The following NRG3 variants were observed in gnomAD, a reference collection of about 807,000 sequenced individuals.
NRG3 encodes the protein pro-neuregulin-3, membrane-bound isoform.
NRG3 carries 31 observed loss-of-function variants against 66.9 expected under a neutral mutation model. The observed-to-expected ratio is 0.46, with a 90% CI of 0.35 to 0.63. NRG3 has a LOEUF of 0.63. Ranked by LOEUF, NRG3 falls within the 20% of genes least tolerant of loss-of-function variation. NRG3 has a pLI of 0.00. For missense variants in NRG3, 910 were observed against 878.9 expected (o/e 1.04, Z -0.45); for synonymous variants, 393 against 359.4 (o/e 1.09, Z -1.06).
intron 3 of NRG3, among the ~76,000 whole-genome samples, chr10:82,802,471 T>TA (rs1425332925): frequency 6.6e-6 from 1 of 152,158 alleles, no homozygotes; most frequent in African/African-American, 2.4e-5. Context: ...ACTGAGAAAC[T>TA]AAAAATTACA....
intron 1 of NRG3, among the ~76,000 whole-genome samples, chr10:82,057,884 C>G (rs909540572): frequency 1.3e-5 from 2 of 152,086 alleles, no homozygotes; most frequent in Admixed American, 6.6e-5. Context: ...AACTCAGACT[C>G]CGGGCCACCA....
At chr10:82,134,209 T>A (rs868718464) in intron 1 of NRG3, among the ~76,000 whole-genome samples, 1 of 152,170 alleles carries the variant, frequency 6.6e-6, no homozygotes, top group South Asian at 2.1e-4. Flanking sequence ...ATTCTGTAAG[T>A]TGTCTTGTTT....
intron 1 of NRG3, among the ~76,000 whole-genome samples, chr10:82,243,458 G>A (rs565796948): frequency 1.3e-5 from 2 of 152,070 alleles, no homozygotes; most frequent in South Asian, 4.1e-4. Flanking sequence ...AAGACAAGCT[G>A]AAGGCACATA....
intron 2 of NRG3, among the ~76,000 whole-genome samples, chr10:82,387,712 A>G (rs1361994835): frequency 1.3e-5 from 2 of 152,218 alleles, no homozygotes; most frequent in Non-Finnish European, 2.9e-5. Context: ...TTCCATGGCT[A>G]TGAACTCACC....
chr10:81,952,284 C>A (rs1191046166), intron 1 of NRG3, among the ~76,000 whole-genome samples: 1 of 152,076 alleles, frequency 6.6e-6, no homozygotes, highest in Non-Finnish European at 1.5e-5. Context: ...TAGTCCGGTC[C>A]ACTAAAACAA....
At chr10:82,201,466 G>T (rs964477794) in intron 1 of NRG3, among the ~76,000 whole-genome samples, 1 of 152,032 alleles carries the variant, frequency 6.6e-6, no homozygotes, top group Non-Finnish European at 1.5e-5. Flanking sequence ...TCAACTCTTC[G>T]TCTTCTCAGT....
intron 2 of NRG3, among the ~76,000 whole-genome samples, chr10:82,518,387 G>C (rs565431214): frequency 1.2e-3 from 178 of 152,232 alleles, no homozygotes; most frequent in African/African-American, 4.1e-3. Context: ...GGCTATGTAA[G>C]TTACCAAAGG....
chr10:82,486,729 A>C (rs1342880744), intron 2 of NRG3, among the ~76,000 whole-genome samples: 1 of 152,186 alleles, frequency 6.6e-6, no homozygotes, highest in Non-Finnish European at 1.5e-5. Flanking sequence ...ATACCATGAG[A>C]TATCATTCAG....
At chr10:81,909,903 A>C (rs1844959980) in intron 1 of NRG3, among the ~76,000 whole-genome samples, 1 of 152,182 alleles carries the variant, frequency 6.6e-6, no homozygotes, top group African/African-American at 2.4e-5. Flanking sequence ...CTTATTTCTT[A>C]TAAGAAATTT....
chr10:82,496,753 A>T (rs1422522985), intron 2 of NRG3, among the ~76,000 whole-genome samples: 2 of 152,198 alleles, frequency 1.3e-5, no homozygotes, highest in Admixed American at 1.3e-4. Flanking sequence ...AATTTTCTTC[A>T]TTAAACATAC....
chr10:82,474,219 T>C (rs567461099), intron 2 of NRG3, among the ~76,000 whole-genome samples: 13 of 152,024 alleles, frequency 8.6e-5, no homozygotes, highest in Admixed American at 2.0e-4. Flanking sequence ...GAAATATGAA[T>C]GCATGGTCCA....
At chr10:82,846,279 A>C (rs1048855749) in intron 3 of NRG3, among the ~76,000 whole-genome samples, 1 of 152,180 alleles carries the variant, frequency 6.6e-6, no homozygotes, top group Non-Finnish European at 1.5e-5. Context: ...CAAGCTTGGC[A>C]CAAGATTCAG....
chr10:82,872,020 C>A (rs1841387892), intron 4 of NRG3, among the ~76,000 whole-genome samples: 1 of 152,054 alleles, frequency 6.6e-6, no homozygotes, highest in Non-Finnish European at 1.5e-5. Context: ...AGTTTCTTAT[C>A]ATTAAAAATT....
At chr10:82,379,510 TAAC>T (rs2085472380) in intron 2 of NRG3, among the ~76,000 whole-genome samples, 2 of 152,102 alleles carry the variant, frequency 1.3e-5, no homozygotes, top group African/African-American at 4.8e-5. Flanking sequence ...GGTGCGATAA[TAAC>T]AATCCTTGCT....
intron 1 of NRG3, among the ~76,000 whole-genome samples, chr10:82,218,421 A>G (rs572020584): frequency 3.6e-4 from 55 of 152,272 alleles, no homozygotes; most frequent in African/African-American, 1.3e-3. Flanking sequence ...TATATACTAC[A>G]TTGGCAGGGA....
intron 2 of NRG3, among the ~76,000 whole-genome samples, chr10:82,568,697 G>A (rs1208070567): frequency 6.6e-6 from 1 of 151,800 alleles, no homozygotes; most frequent in Non-Finnish European, 1.5e-5. Context: ...TTATTAAAGT[G>A]TATTCTGATT....
At chr10:82,308,207 C>T (rs2134917593) in intron 1 of NRG3, among the ~76,000 whole-genome samples, 1 of 152,168 alleles carries the variant, frequency 6.6e-6, no homozygotes, top group Non-Finnish European at 1.5e-5. Flanking sequence ...CCTCTGTCGC[C>T]CAGGCTGAAT....
intron 1 of NRG3, among the ~76,000 whole-genome samples, chr10:82,040,252 G>A (rs1485965400): frequency 6.6e-6 from 1 of 151,912 alleles, no homozygotes; most frequent in Non-Finnish European, 1.5e-5. Context: ...TCCAATGGAG[G>A]AACTTTCAGT....
intron 3 of NRG3, among the ~76,000 whole-genome samples, chr10:82,780,643 A>G (rs2060086989): frequency 6.6e-6 from 1 of 152,112 alleles, no homozygotes; most frequent in East Asian, 1.9e-4. Flanking sequence ...TAGCTTAACC[A>G]TGTAAATACT....
Sources: gnomAD v4.1 joint callset for allele counts (sites outside exome capture counted in the v4.1 genomes callset) on GRCh38, gnomAD v4.1.1 for gene constraint, MANE v1.5 for transcripts, NCBI Gene and HGNC (gene_info 2026-07-23, HGNC 2026-07-21) for gene names.